The following LPA variants were observed in gnomAD, a reference collection of about 807,000 sequenced individuals.
LPA encodes the protein lipoprotein(a).
Under a neutral mutation model 197.9 loss-of-function variants are expected in LPA, and 199 were observed. That is an observed-to-expected ratio of 1.01 (90% CI 0.90 to 1.13). LPA has a LOEUF of 1.13. Among genes scored for constraint, LPA ranks in the 50% most tolerant of loss-of-function variants. The probability of loss-of-function intolerance (pLI) is 0.00; values close to 1 mark genes in which losing one functional copy is unlikely to be tolerated. For missense variants in LPA, 1,853 were observed against 1,785.8 expected (o/e 1.04, Z -0.68); for synonymous variants, 715 against 639.5 (o/e 1.12, Z -1.78).
chr6:160,633,504 T>C, intron 8 of LPA, among the ~76,000 whole-genome samples: 2 of 102,072 alleles, frequency 2.0e-5, no homozygotes, highest in Non-Finnish European at 3.9e-5. Flanking sequence ...TCATTCTGAC[T>C]TTCTTCATAA....
chr6:160,610,878 T>C (rs1384789171), intron 16 of LPA, among the ~76,000 whole-genome samples: 1 of 152,178 alleles, frequency 6.6e-6, no homozygotes, highest in Non-Finnish European at 1.5e-5. Context: ...TTGTCCCACA[T>C]GTAGAAACCA....
chr6:160,585,096 C>A lies in LPA; in HGVS notation c.4239G>T (p.Ser1413=), dbSNP rs535318353. 1 of 1,613,750 alleles carries A rather than the reference C, an allele frequency of 6.2e-7. No homozygotes were observed. The highest frequency in any genetic ancestry group is 2.2e-5 in the East Asian group (1 of 44,856). Residue 1413 remains serine (S), a synonymous_variant, in exon 26 of 39, where the codon TCG becomes TCT. Transcript: ENST00000316300. The part of the protein sequence containing the change: ...TITGRTCQSW[S]SMTPHWHRRI... ...TCCGATGCCAATGTGGTGTCATAGA[C>A]GACCAAGACTGACATGTTCTTCCTG...
At chr6:160,593,684 T>C (rs1458744949) in intron 22 of LPA, among the ~76,000 whole-genome samples, 3 of 152,206 alleles carry the variant, frequency 2.0e-5, no homozygotes, top group Non-Finnish European at 4.4e-5. Flanking sequence ...ATGGTGCTAT[T>C]TCTAAGCACG....
At chr6:160,589,825 T>A (rs778281579) in intron 23 of LPA, 113 bp from the exon 24 acceptor site, 24 of 1,221,736 alleles carry the variant, frequency 2.0e-5, no homozygotes, top group Non-Finnish European at 2.8e-5. Flanking sequence ...GACCATGCTC[T>A]GTTCTACATT....
rs201217994 is a variant in LPA at position 160,557,507 on chromosome 6, C to A, written c.4696G>T (p.Asp1566Tyr). Residue 1566 changes from aspartate (D) to tyrosine (Y), a missense_variant, in exon 29 of 39, where the codon GAT becomes TAT. By Grantham distance (160) the Asp-to-Tyr change is radical (BLOSUM62 -3). Coordinates refer to ENST00000316300, the MANE Select transcript of LPA (RefSeq NM_005577.4). ...SGKQPWCYTT[D>Y]PCVRWEYCNL... ...CAGTACTCCCACCTCACACACGGAT[C>A]GGTTGTGTAACACCAGGGTTGTTTC... 161 of 1,613,918 alleles carry A rather than the reference C, an allele frequency of 1.0e-4. No homozygotes were observed. The highest frequency in any genetic ancestry group is 1.6e-4 in the Middle Eastern group (1 of 6,082).
At chr6:160,589,401 C>T in intron 24 of LPA, 152 bp downstream of exon 24, 2 of 878,566 alleles carry the variant, frequency 2.3e-6, no homozygotes, top group Non-Finnish European at 3.7e-6. Flanking sequence ...TCCTCTCAGA[C>T]CCTGTGCCCA....
chr6:160,553,954 T>TGTGTGCGCGCGCGCGC (rs771903485), intron 30 of LPA, among the ~76,000 whole-genome samples: 6 of 130,746 alleles, frequency 4.6e-5, no homozygotes, highest in African/African-American at 1.8e-4. Context: ...TGTGTGTGTG[T>TGTGTGCGCGCGCGCGC]GCGCGCGCGC....
intron 36 of LPA, among the ~76,000 whole-genome samples, 186 bp downstream of exon 36, chr6:160,539,857 T>C (rs1777952601): frequency 6.6e-6 from 1 of 152,200 alleles, no homozygotes; most frequent in South Asian, 2.1e-4. Context: ...TTCTGCCTTT[T>C]TAAAGAGCAC....
Position 160,595,357 on chromosome 6 carries a change from C to T in LPA, c.3466G>A (p.Glu1156Lys), listed in dbSNP as rs1401879722. The T allele has an allele frequency of 1.9e-6, 3 of 1,612,262 alleles. No homozygotes were observed. The highest frequency in any genetic ancestry group is 1.7e-5 in the Admixed American group (1 of 60,026). The change falls in exon 21 of 39, where the codon GAA becomes AAA. Residue 1156 changes from glutamate (E) to lysine (K), a missense_variant. Around this residue, in one of 3 missense-constraint regions of LPA, gnomAD observed 1,737 missense variants for 1,504.4 expected, o/e 1.15. Transcript: ENST00000316300. Reference protein sequence around the residue: ...PDPSTEASSEEAPTEQSPGVQ... With the variant: ...PDPSTEASSEKAPTEQSPGVQ... ...TGTCTGGCCATAGACTTCCTACCTT[C>T]TTCAGAAGAAGCCTCTGTGCTTGGA...
chr6:160,556,395 G>A (rs557327650), intron 29 of LPA, among the ~76,000 whole-genome samples: 1 of 151,988 alleles, frequency 6.6e-6, no homozygotes, highest in Non-Finnish European at 1.5e-5. Flanking sequence ...AAACCTGGTG[G>A]GAAAAGGACC....
At chr6:160,542,921 A>T in intron 33 of LPA, 113 bp from the exon 34 acceptor site, 1 of 1,445,860 alleles carries the variant, frequency 6.9e-7, no homozygotes, top group South Asian at 1.2e-5. Flanking sequence ...GGTGAAATTA[A>T]ATGGTAAAAT....
intron 30 of LPA, among the ~76,000 whole-genome samples, chr6:160,555,557 G>A (rs978736521): frequency 6.8e-6 from 1 of 147,072 alleles, no homozygotes; most frequent in Non-Finnish European, 1.5e-5. Context: ...ACATATATAT[G>A]TATATATATA....
intron 18 of LPA, among the ~76,000 whole-genome samples, chr6:160,604,135 C>T (rs991362422): frequency 6.6e-6 from 1 of 152,148 alleles, no homozygotes; most frequent in African/African-American, 2.4e-5. Context: ...TCCTTTCATC[C>T]ACAAATCCAT....
At position 160,540,151 on chromosome 6, in the gene LPA, A is replaced by G; in HGVS notation, c.5627T>C (p.Leu1876Pro). ...SSRPSSYKVI[L>P]GAHQEVNLES... The stretch of plus-strand genomic sequence containing the variant: ...GAGGTTCACTTCTTGGTGTGCACCC[A>G]GGATGACCTTGTAGGATGAAGGCCT... Residue 1876 changes from leucine to proline, a missense_variant, in exon 36 of 39, where the codon CTG (leucine) becomes CCG (proline). Leu to Pro is a moderately conservative substitution (Grantham distance 98). Coordinates refer to ENST00000316300, the MANE Select transcript of LPA (RefSeq NM_005577.4). 6.2e-7 allele frequency: 1 copy of G among 1,614,188 alleles called. No individual in the cohort carries two copies. Among genetic ancestry groups the G allele is most frequent in the Non-Finnish European group, 8.5e-7 (1 of 1,180,024 alleles).
At chr6:160,659,089 T>C (rs947516636) in intron 1 of LPA, among the ~76,000 whole-genome samples, 6 of 152,112 alleles carry the variant, frequency 3.9e-5, no homozygotes, top group African/African-American at 4.8e-5. Flanking sequence ...GCTGAAGAAC[T>C]TGGAGTCCGA....
At chr6:160,606,796 C>T (rs9457951) in intron 16 of LPA, 138 bp from the exon 17 acceptor site, 4 of 1,346,960 alleles carry the variant, frequency 3.0e-6, no homozygotes, top group East Asian at 4.6e-5. Flanking sequence ...ATGATTGCCA[C>T]AAGCACAAAT....
chr6:160,581,053 A>T, intron 26 of LPA, among the ~76,000 whole-genome samples: 1 of 151,922 alleles, frequency 6.6e-6, no homozygotes, highest in East Asian at 1.9e-4. Flanking sequence ...ATTAGCTGTT[A>T]CATTGAGGTC....
At chr6:160,604,900 C>G (rs1779313915) in intron 18 of LPA, 146 bp downstream of exon 18, 1 of 1,325,348 alleles carries the variant, frequency 7.5e-7, no homozygotes, top group South Asian at 1.2e-5. Context: ...AGACTCTTTG[C>G]TCAAAGACAA....
At chr6:160,570,705 C>T (rs142934541) in intron 28 of LPA, among the ~76,000 whole-genome samples, 1 of 152,108 alleles carries the variant, frequency 6.6e-6, no homozygotes, top group Admixed American at 6.5e-5. Context: ...GCAGGAAGAT[C>T]CACTGTTAGT....
Sources: allele counts gnomAD v4.1 joint callset (sites outside exome capture counted in the v4.1 genomes callset), GRCh38; gene constraint gnomAD v4.1.1; regional missense constraint gnomAD v4.1.1; transcripts MANE v1.5; gene names NCBI Gene and HGNC (gene_info 2026-07-23, HGNC 2026-07-21).